Variants in SAE1 observed in about 807,000 individuals in gnomAD.
SAE1 encodes SUMO-activating enzyme subunit 1.
Under a neutral mutation model 40.6 loss-of-function variants are expected in SAE1, and 11 were observed. The observed-to-expected ratio is 0.27, with a 90% CI of 0.17 to 0.45. SAE1 has a LOEUF of 0.45. SAE1 is among the 20% of genes least tolerant of loss of function. The probability of loss-of-function intolerance (pLI) is 1.00; values close to 1 mark genes in which losing one functional copy is unlikely to be tolerated. For synonymous variants in SAE1, 155 were observed against 154.3 expected (o/e 1.00, Z -0.03); for missense variants, 373 against 427.3 (o/e 0.87, Z 1.12).
At chr19:47,132,457 C>G (rs967289008) in intron 1 of SAE1, among the ~76,000 whole-genome samples, 3 of 150,462 alleles carry the variant, frequency 2.0e-5, no homozygotes, top group African/African-American at 7.3e-5. Context: ...GGGGTTTTGC[C>G]ATGTTGCCCA....
chr19:47,147,761 ATT>A (rs1261804439), intron 2 of SAE1, among the ~76,000 whole-genome samples: 9 of 113,584 alleles, frequency 7.9e-5, no homozygotes, highest in African/African-American at 1.0e-4. Context: ...CCTCAACTGT[ATT>A]TTTTTTTTTT....
At chr19:47,184,872 G>A (rs966970432) in intron 6 of SAE1, among the ~76,000 whole-genome samples, 4 of 151,828 alleles carry the variant, frequency 2.6e-5, no homozygotes, top group Admixed American at 2.6e-4. Flanking sequence ...CCCCCAGGCT[G>A]GAGTGCAGTG....
rs745935402 is a variant in SAE1, at chr19:47,197,327, G to A, written c.828G>A (p.Val276=). 6.2e-7 allele frequency: 1 copy of A among 1,614,100 alleles called. No homozygotes were observed. Among genetic ancestry groups the A allele is most frequent in the African/African-American group, 1.3e-5 (1 of 75,034 alleles). ...SELLLQIRND[V]LDSLGISPDL... ...TGTTGCTCCAGATACGAAATGATGT[G>A]CTTGACTCACTGGGTATTAGTCCTG... is the stretch of plus-strand genomic sequence containing the variant. Residue 276 remains valine, a synonymous_variant, in exon 7 of 9, where the codon GTG becomes GTA. Coordinates refer to ENST00000270225, the MANE Select transcript of SAE1 (RefSeq NM_005500.3).
chr19:47,166,497 C>T (rs1037101802), intron 5 of SAE1, among the ~76,000 whole-genome samples: 3 of 152,112 alleles, frequency 2.0e-5, no homozygotes, highest in Non-Finnish European at 2.9e-5. Flanking sequence ...TTGCCCCAGG[C>T]CCTGAAAGTG....
intron 7 of SAE1, among the ~76,000 whole-genome samples, chr19:47,200,371 TATAGG>T (rs2058645658): frequency 1.3e-5 from 2 of 150,290 alleles, no homozygotes; most frequent in Non-Finnish European, 3.0e-5. Context: ...TAGCTGGGAC[TATAGG>T]CGTGTACTAC....
chr19:47,144,650 G>T (rs551626996), intron 2 of SAE1, among the ~76,000 whole-genome samples: 151 of 152,134 alleles, frequency 9.9e-4, no homozygotes, highest in Non-Finnish European at 1.8e-3. Context: ...AACGAGCCGA[G>T]ATCATGCCAC....
chr19:47,159,290 T>C (rs1333398475), intron 5 of SAE1, among the ~76,000 whole-genome samples: 1 of 152,194 alleles, frequency 6.6e-6, no homozygotes, highest in Admixed American at 6.5e-5. Flanking sequence ...CTTCTCATCC[T>C]CTCTTACACC....
intron 2 of SAE1, among the ~76,000 whole-genome samples, chr19:47,145,708 G>A (rs1486053641): frequency 2.0e-5 from 3 of 152,142 alleles, no homozygotes; most frequent in African/African-American, 7.2e-5. Flanking sequence ...AGCTTCCCTA[G>A]TAGCTGGGAT....
intron 6 of SAE1, among the ~76,000 whole-genome samples, chr19:47,176,694 G>A (rs935360308): frequency 6.6e-6 from 1 of 152,124 alleles, no homozygotes; most frequent in East Asian, 1.9e-4. Flanking sequence ...CCTGCTGTCC[G>A]CATGCATGTG....
At chr19:47,157,712 G>C (rs939288350) in intron 5 of SAE1, among the ~76,000 whole-genome samples, 6 of 152,196 alleles carry the variant, frequency 3.9e-5, no homozygotes, top group African/African-American at 1.4e-4. Context: ...TTCCTACGTG[G>C]AGCTGAGCTG....
chr19:47,194,678 C>T (rs1280984620), intron 6 of SAE1, among the ~76,000 whole-genome samples: 8 of 151,546 alleles, frequency 5.3e-5, no homozygotes, highest in East Asian at 1.9e-4. Context: ...AATGCCTGCC[C>T]GCCCGCAGGC....
chr19:47,166,885 T>G (rs2058396593), intron 5 of SAE1, among the ~76,000 whole-genome samples: 1 of 152,196 alleles, frequency 6.6e-6, no homozygotes, highest in South Asian at 2.1e-4. Context: ...GTATACTATC[T>G]TTAACAATGG....
In SAE1 at chr19:47,178,824, C is replaced by T. The variant is rs570717477; in HGVS notation, c.733+8901C>T. ...CACTGTATTTCAAATTACATTTGTG[C>T]ACTGAAGCAGGGAGGAAAAAGGAGC... On this transcript the variant is annotated intron_variant, in intron 6 of 8. Transcript: ENST00000270225. 3.9e-5 allele frequency among the ~76,000 whole-genome samples: 6 copies of T among 152,246 alleles called. No individual in the cohort carries two copies. The East Asian group carries it at 7.7e-4, about 20-fold the overall frequency.
chr19:47,167,349 C>G (rs1186408614), intron 5 of SAE1, among the ~76,000 whole-genome samples: 1 of 151,220 alleles, frequency 6.6e-6, no homozygotes, highest in African/African-American at 2.4e-5. Flanking sequence ...ACGCCATTCT[C>G]CTGCCTCAGC....
Position 47,141,395 on chromosome 19 carries a change from G to A in SAE1, c.99-2099G>A, listed in dbSNP as rs571681256. ...GACCTCAGGTGATCCACCCATCTCAGCCTCCCAAAGTGCTGGGATTACAGG... is the reference window on the plus strand; with the variant it reads ...GACCTCAGGTGATCCACCCATCTCAACCTCCCAAAGTGCTGGGATTACAGG... On this transcript the variant is annotated intron_variant, in intron 1 of 8. Transcript: ENST00000270225. Among the ~76,000 whole-genome samples the A allele has an allele frequency of 1.7e-3, 253 of 152,218 alleles. 2 individuals carry two copies. Among genetic ancestry groups the A allele is most frequent in the African/African-American group, 6.0e-3 (248 of 41,532 alleles).
At chr19:47,131,068 G>A in intron 1 of SAE1, 40 bp downstream of exon 1, 1 of 1,498,276 alleles carries the variant, frequency 6.7e-7, no homozygotes. Flanking sequence ...GGGTCTGGAG[G>A]GGGCGTCTAT....
chr19:47,186,186 G>GCC (rs1305709509), intron 6 of SAE1, among the ~76,000 whole-genome samples: 5 of 151,764 alleles, frequency 3.3e-5, no homozygotes, highest in Non-Finnish European at 7.4e-5. Context: ...CTTGCGGTGA[G>GCC]CCGAGATCCC....
At chr19:47,153,793 T>C (rs190589896) in intron 4 of SAE1, among the ~76,000 whole-genome samples, 1 of 152,154 alleles carries the variant, frequency 6.6e-6, no homozygotes, top group Non-Finnish European at 1.5e-5. Flanking sequence ...TTATTATTAT[T>C]ATTATTTTAT....
chr19:47,137,549 C>T (rs2058188325), intron 1 of SAE1, among the ~76,000 whole-genome samples: 1 of 152,032 alleles, frequency 6.6e-6, no homozygotes, highest in South Asian at 2.1e-4. Context: ...AGTGCAGTGA[C>T]GCAGTGACGT....
Sources: gnomAD v4.1 joint callset for allele counts (sites outside exome capture counted in the v4.1 genomes callset) on GRCh38, gnomAD v4.1.1 for gene constraint, MANE v1.5 for transcripts, NCBI Gene and HGNC (gene_info 2026-07-23, HGNC 2026-07-21) for gene names.